The following TCEANC2 variants were observed in gnomAD, a reference collection of about 807,000 sequenced individuals.
TCEANC2 encodes transcription elongation factor A N-terminal and central domain-containing protein 2.
In TCEANC2, 20 loss-of-function variants were observed where a neutral mutation model predicts 22.8. The ratio of observed to expected loss-of-function variants is 0.88; its 90% CI spans 0.62 to 1.28. TCEANC2 has a LOEUF of 1.28. Ranked by LOEUF, TCEANC2 falls within the 50% of genes most tolerant of loss-of-function variation. The probability of loss-of-function intolerance (pLI) is 0.00; values close to 1 mark genes in which losing one functional copy is unlikely to be tolerated. For missense variants in TCEANC2, 251 were observed against 249.7 expected (o/e 1.01, Z -0.03); for synonymous variants, 84 against 95.5 (o/e 0.88, Z 0.70).
At position 54,100,191 on chromosome 1, in the gene TCEANC2, T is replaced by G. The variant is rs1044107882; in HGVS notation, c.*3718T>G. 1 of 152,242 alleles carries G rather than the reference T, an allele frequency of 6.6e-6. No individual in the cohort carries two copies. Among genetic ancestry groups the G allele is most frequent in the Non-Finnish European group, 1.5e-5 (1 of 68,102 alleles). The allele number at this position is 152,242 out of a possible 1,614,324, so 9.4% of individuals were successfully genotyped here. A position where few individuals can be genotyped will look rare whatever the true frequency, so the allele number is the denominator to read the frequency against. ...AGGCGGAGGTTGCAGTGAGCTGAGATGGCGCCATTGCACTCCAGCCTGGGC... is the reference window on the plus strand; with the variant it reads ...AGGCGGAGGTTGCAGTGAGCTGAGAGGGCGCCATTGCACTCCAGCCTGGGC... On this transcript the variant is annotated 3_prime_UTR_variant, in exon 5 of 5. Transcript: ENST00000234827.
chr1:54,056,483 G>A (rs772327585), intron 2 of TCEANC2, among the ~76,000 whole-genome samples: 13 of 151,756 alleles, frequency 8.6e-5, no homozygotes, highest in East Asian at 1.9e-4. Flanking sequence ...CCGCCACCAC[G>A]CCTGGCTAAT....
At chr1:54,088,401 G>T (rs1658378698) in intron 3 of TCEANC2, among the ~76,000 whole-genome samples, 196 bp from the exon 4 acceptor site, 1 of 151,966 alleles carries the variant, frequency 6.6e-6, no homozygotes, top group African/African-American at 2.4e-5. Context: ...TAATTCATTG[G>T]CTAGGCTGCT....
chr1:54,071,755 A>G (rs1658058913), intron 3 of TCEANC2, among the ~76,000 whole-genome samples: 2 of 152,094 alleles, frequency 1.3e-5, no homozygotes, highest in Non-Finnish European at 2.9e-5. Context: ...GATACATTAT[A>G]CTTCCTGGAC....
At chr1:54,087,701 A>G (rs1184594525) in intron 3 of TCEANC2, among the ~76,000 whole-genome samples, 1 of 152,182 alleles carries the variant, frequency 6.6e-6, no homozygotes, top group Non-Finnish European at 1.5e-5. Flanking sequence ...TTTGTACTCA[A>G]GAGATTCTTT....
In TCEANC2 at chr1:54,096,972, C is replaced by G. The variant is rs41294788; in HGVS notation, c.*499C>G. The G allele has an allele frequency of 6.2e-3, 6,144 of 986,126 alleles. 31 individuals carry two copies. Among genetic ancestry groups the G allele is most frequent in the Non-Finnish European group, 7.0e-3 (5,793 of 830,160 alleles). 61.1% of individuals were successfully genotyped at this position (986,126 alleles called of 1,614,324 possible). A position where few individuals can be genotyped will look rare whatever the true frequency, so the allele number is the denominator to read the frequency against. On this transcript the variant is annotated 3_prime_UTR_variant, in exon 5 of 5. Coordinates refer to ENST00000234827, the MANE Select transcript of TCEANC2 (RefSeq NM_153035.3). The surrounding 1 kb of genome is among the most constrained non-coding windows in gnomAD (Gnocchi z 4.9). ...TATCCCAGGGGTGAGCCTGCGAGAG[C>G]CAGCCAACTACCCCTTCTTCCCAGA... is the stretch of plus-strand genomic sequence containing the variant.
At chr1:54,093,553 A>C (rs1295373642) in intron 4 of TCEANC2, among the ~76,000 whole-genome samples, 1 of 152,112 alleles carries the variant, frequency 6.6e-6, no homozygotes, top group Non-Finnish European at 1.5e-5. Flanking sequence ...CACTGCTGGC[A>C]TAGCACCTGT....
At chr1:54,062,141 C>T (rs191977489) in intron 2 of TCEANC2, among the ~76,000 whole-genome samples, 57 of 152,304 alleles carry the variant, frequency 3.7e-4, no homozygotes, top group Admixed American at 6.5e-4. Flanking sequence ...ATGGTGCCCA[C>T]GTAACTGCTT....
At chr1:54,082,475 C>T (rs1398507843) in intron 3 of TCEANC2, among the ~76,000 whole-genome samples, 4 of 152,196 alleles carry the variant, frequency 2.6e-5, no homozygotes, top group African/African-American at 9.7e-5. Flanking sequence ...CTGTGCTAGG[C>T]ACTATGCTGG....
chr1:54,080,405 A>G (rs192496698), intron 3 of TCEANC2, among the ~76,000 whole-genome samples: 12 of 151,946 alleles, frequency 7.9e-5, no homozygotes, highest in Non-Finnish European at 1.3e-4. Context: ...CAGCCTCCTA[A>G]TAAGTGCTGG....
At chr1:54,110,253 C>G (rs1658819505), downstream of TCEANC2, among the ~76,000 whole-genome samples, 1 of 152,198 alleles carries the variant, frequency 6.6e-6, no homozygotes, top group South Asian at 2.1e-4. Context: ...CACTCAGCAG[C>G]CAGAGTGAAT....
intron 2 of TCEANC2, among the ~76,000 whole-genome samples, chr1:54,058,882 C>T (rs1271264930): frequency 6.6e-6 from 1 of 152,174 alleles, no homozygotes; most frequent in Non-Finnish European, 1.5e-5. Flanking sequence ...GTCTTGAACT[C>T]CTGACCTCGT....
chr1:54,062,574 C>A (rs945152009), intron 2 of TCEANC2, among the ~76,000 whole-genome samples: 1 of 152,024 alleles, frequency 6.6e-6, no homozygotes, highest in Non-Finnish European at 1.5e-5. Context: ...ACAGCCTTGT[C>A]GATGGTAAGT....
intron 4 of TCEANC2, among the ~76,000 whole-genome samples, chr1:54,095,650 C>G (rs1287261474): frequency 6.6e-6 from 1 of 152,150 alleles, no homozygotes; most frequent in Non-Finnish European, 1.5e-5. Flanking sequence ...TCTCTCCAAT[C>G]TCAACCATTC....
chr1:54,054,613 T>G (rs1442171424), intron 2 of TCEANC2, 89 bp downstream of exon 2: 2 of 1,268,214 alleles, frequency 1.6e-6, no homozygotes, highest in Non-Finnish European at 2.1e-6. Context: ...ACCTATGAAT[T>G]ATTTCTTGTT....
chr1:54,066,738 C>G (rs1054433649), intron 2 of TCEANC2, among the ~76,000 whole-genome samples: 3 of 152,172 alleles, frequency 2.0e-5, no homozygotes, highest in Non-Finnish European at 4.4e-5. Flanking sequence ...GATATTTGCA[C>G]TTTCTTCCTA....
chr1:54,060,416 A>G (rs1657831074), intron 2 of TCEANC2, among the ~76,000 whole-genome samples: 1 of 151,786 alleles, frequency 6.6e-6, no homozygotes, highest in South Asian at 2.1e-4. Flanking sequence ...AAAAAAAAAA[A>G]AAATTAGCCG....
intron 2 of TCEANC2, among the ~76,000 whole-genome samples, chr1:54,063,800 T>TA (rs1303684589): frequency 6.6e-6 from 1 of 152,270 alleles, no homozygotes; most frequent in Non-Finnish European, 1.5e-5. Flanking sequence ...AAGTAGTTTT[T>TA]ATACTGTATT....
chr1:54,108,699 G>A (rs772770261), downstream of TCEANC2, among the ~76,000 whole-genome samples: 4 of 152,040 alleles, frequency 2.6e-5, no homozygotes, highest in Admixed American at 6.5e-5. Context: ...TGAGCCGGGC[G>A]TGGTGGCTCA....
At position 54,104,943 on chromosome 1, in the gene TCEANC2, A is replaced by G. The variant is rs1328540042; in HGVS notation, c.*8470A>G. ...AGCCCCCTCAGGGCTGAGGGTCTAAATCATGCCTCCGTGGAAGTGACGGAG... is the reference window on the plus strand; with the variant it reads ...AGCCCCCTCAGGGCTGAGGGTCTAAGTCATGCCTCCGTGGAAGTGACGGAG... On this transcript the variant is annotated 3_prime_UTR_variant, in exon 5 of 5. Transcript: ENST00000234827. The G allele has an allele frequency of 9.6e-6, 2 of 208,242 alleles. No homozygotes were observed. Among genetic ancestry groups the G allele is most frequent in the Non-Finnish European group, 2.0e-5 (2 of 97,834 alleles). 12.9% of individuals were successfully genotyped at this position (208,242 alleles called of 1,614,324 possible). A position where few individuals can be genotyped will look rare whatever the true frequency, so the allele number is the denominator to read the frequency against.
Sources: allele counts gnomAD v4.1 joint callset (sites outside exome capture counted in the v4.1 genomes callset), GRCh38; gene constraint gnomAD v4.1.1; non-coding constraint Gnocchi (gnomAD v3.1); transcripts MANE v1.5; gene names NCBI Gene and HGNC (gene_info 2026-07-23, HGNC 2026-07-21).